CDH26: variants seen among roughly 807,000 people sequenced by gnomAD.
CDH26 encodes the protein cadherin 26.
CDH26 carries 83 observed loss-of-function variants against 90.3 expected under a neutral mutation model. The ratio of observed to expected loss-of-function variants is 0.92; its 90% CI spans 0.77 to 1.10. The LOEUF is 1.10. CDH26 is among the 50% of genes least tolerant of loss of function. The pLI is 0.00. For synonymous variants in CDH26, 397 were observed against 396.3 expected, an observed-to-expected ratio of 1.00 and a Z score of -0.02; for missense variants, 1,013 against 1,037.6, an observed-to-expected ratio of 0.98 and a Z score of 0.33.
chr20:59,983,756 T>C (rs1350805063), intron 5 of CDH26, among the ~76,000 whole-genome samples: 1 of 152,246 alleles, frequency 6.6e-6, no homozygotes, highest in Non-Finnish European at 1.5e-5. Flanking sequence ...ATCTTTATCA[T>C]AGTACACATT....
chr20:59,965,729 A>C (rs1473706008), intron 1 of CDH26, among the ~76,000 whole-genome samples: 2 of 152,208 alleles, frequency 1.3e-5, no homozygotes, highest in African/African-American at 4.8e-5. Flanking sequence ...TTTTTCTTTG[A>C]TATTACACCA....
At chr20:60,028,334 G>A (rs1204266106) in intron 7 of CDH26, among the ~76,000 whole-genome samples, 1 of 152,218 alleles carries the variant, frequency 6.6e-6, no homozygotes, top group African/African-American at 2.4e-5. Flanking sequence ...GGGTTCTTTT[G>A]ATCTGCCACG....
At position 60,001,388 on chromosome 20, in the gene CDH26, G is replaced by A. The variant is rs1679796245; in HGVS notation, c.2143G>A (p.Ala715Thr). ...ATCTGCAGCGAGTCAGTCAGCCCAA[G>A]CACGCTGTGCTCTGGGGAGCTGGGT... ...PPSAASQSAQARCALGSWGYG... is the reference protein window; with the variant it reads ...PPSAASQSAQTRCALGSWGYG... Residue 715 changes from alanine to threonine, a missense_variant, in exon 15 of 18, where the codon GCA becomes ACA. By Grantham distance (58) the Ala-to-Thr change is moderately conservative. Transcript: ENST00000348616. 1.2e-6 allele frequency: 2 copies of A among 1,614,044 alleles called. No homozygotes were observed.
chr20:60,009,037 C>T (rs1247211691), intron 17 of CDH26, among the ~76,000 whole-genome samples: 1 of 152,202 alleles, frequency 6.6e-6, no homozygotes, highest in Non-Finnish European at 1.5e-5. Flanking sequence ...CCCGAGCCGA[C>T]TGTAACCTCC....
At position 59,958,510 on chromosome 20, in the gene CDH26, T is replaced by C; in HGVS notation, c.-217T>C. The C allele has an allele frequency of 1.7e-6, 1 of 593,248 alleles. No individual in the cohort carries two copies. The highest frequency in any genetic ancestry group is 3.0e-6 in the Non-Finnish European group (1 of 329,846). 36.7% of individuals were successfully genotyped at this position (593,248 alleles called of 1,614,324 possible). A position where few individuals can be genotyped will look rare whatever the true frequency, so the allele number is the denominator to read the frequency against. ...GAACTCTACTTGTGGCAAACGTATG[T>C]TCAAGCTTACAAGTCAGCCCACCCC... On this transcript the variant is annotated 5_prime_UTR_variant, in exon 1 of 18. Coordinates refer to ENST00000348616, the MANE Select transcript of CDH26 (RefSeq NM_177980.4).
intron 8 of CDH26, chr20:60,033,383 C>T (rs1411640117): frequency 8.1e-7 from 1 of 1,227,988 alleles, no homozygotes; most frequent in African/African-American, 1.6e-5. Flanking sequence ...TGCATACATG[C>T]ACGTGGCAAA....
intron 4 of CDH26, among the ~76,000 whole-genome samples, chr20:59,974,830 TC>T (rs1001968342): frequency 6.6e-6 from 1 of 152,178 alleles, no homozygotes; most frequent in Non-Finnish European, 1.5e-5. Context: ...TATTTTCTCC[TC>T]AACACCACTC....
chr20:59,982,554 A>G (rs1246060460), intron 4 of CDH26, among the ~76,000 whole-genome samples: 1 of 152,252 alleles, frequency 6.6e-6, no homozygotes, highest in Non-Finnish European at 1.5e-5. Context: ...GTGATGTTTC[A>G]GTAATATTCA....
intron 7 of CDH26, among the ~76,000 whole-genome samples, chr20:60,028,011 T>C (rs891900467): frequency 1.3e-5 from 2 of 152,204 alleles, no homozygotes; most frequent in African/African-American, 4.8e-5. Flanking sequence ...GACACTGATA[T>C]TGAAATGCTC....
chr20:60,018,444 T>C (rs1400696432), downstream of CDH26, among the ~76,000 whole-genome samples: 1 of 152,078 alleles, frequency 6.6e-6, no homozygotes, highest in Non-Finnish European at 1.5e-5. Flanking sequence ...TTAGTTTCTG[T>C]CTGTGTGGAA....
chr20:59,994,126 C>G, intron 10 of CDH26, 124 bp from the exon 11 acceptor site: 1 of 1,241,000 alleles, frequency 8.1e-7, no homozygotes, highest in Non-Finnish European at 1.1e-6. Context: ...GAGCTTATGA[C>G]GTTGAAAGGG....
chr20:60,019,430 C>G (rs777149266), downstream of CDH26, among the ~76,000 whole-genome samples: 2 of 152,134 alleles, frequency 1.3e-5, no homozygotes, highest in Non-Finnish European at 2.9e-5. Context: ...TTTCAAAAGA[C>G]TTGTCTTCAA....
Position 59,983,048 on chromosome 20 carries a change from T to C in CDH26, c.519T>C (p.Thr173=), listed in dbSNP as rs1458220905. 4.3e-6 allele frequency: 7 copies of C among 1,614,096 alleles called. No individual in the cohort carries two copies. Among genetic ancestry groups the C allele is most frequent in the Non-Finnish European group, 5.9e-6 (7 of 1,179,982 alleles). ...PQFPEKEFNI[T]VQENQSAGQP... is the part of the protein sequence containing the mutation. The stretch of plus-strand genomic sequence containing the variant: ...TTCCAGAGAAGGAATTTAACATCAC[T>C]GTGCAAGAAAACCAATCTGCAGGTG... The change falls in exon 5 of 18, where the codon ACT becomes ACC. Residue 173 remains threonine, a synonymous_variant. Transcript: ENST00000348616.
downstream of CDH26, among the ~76,000 whole-genome samples, chr20:60,018,308 A>G (rs1035537274): frequency 1.3e-5 from 2 of 151,998 alleles, no homozygotes; most frequent in African/African-American, 4.8e-5. Context: ...GTTTATTTAT[A>G]ATTGGTATAT....
At chr20:60,024,307 G>A (rs1306055589) in intron 7 of CDH26, among the ~76,000 whole-genome samples, 4 of 152,172 alleles carry the variant, frequency 2.6e-5, no homozygotes, top group Non-Finnish European at 5.9e-5. Flanking sequence ...GTAGGGAAGA[G>A]CCTCTGAGAA....
chr20:60,005,605 A>G (rs1178633912), intron 16 of CDH26, among the ~76,000 whole-genome samples: 3 of 152,082 alleles, frequency 2.0e-5, no homozygotes, highest in Non-Finnish European at 4.4e-5. Context: ...GTATCCCTAA[A>G]CCCAGGTAAG....
intron 7 of CDH26, 53 bp downstream of exon 7, chr20:59,985,182 G>C (rs2061440665): frequency 9.4e-6 from 15 of 1,601,106 alleles, no homozygotes; most frequent in Non-Finnish European, 1.1e-5. Context: ...GTAGCCCTTG[G>C]GTCCTAGGCT....
chr20:59,967,855 TTC>T (rs1426483041), intron 1 of CDH26, among the ~76,000 whole-genome samples: 1 of 112,760 alleles, frequency 8.9e-6, no homozygotes, highest in African/African-American at 4.9e-5. Flanking sequence ...CTTTCTTTCT[TTC>T]TTTCTTTCTT....
At chr20:59,999,058 T>C (rs1177661422) in intron 13 of CDH26, among the ~76,000 whole-genome samples, 2 of 152,192 alleles carry the variant, frequency 1.3e-5, no homozygotes, top group African/African-American at 4.8e-5. Flanking sequence ...ATTCTACTAC[T>C]AAACTATAGG....
Sources: gnomAD v4.1 joint callset for allele counts (sites outside exome capture counted in the v4.1 genomes callset) on GRCh38, gnomAD v4.1.1 for gene constraint, MANE v1.5 for transcripts, NCBI Gene and HGNC (gene_info 2026-07-23, HGNC 2026-07-21) for gene names.